BTD: variants seen among roughly 807,000 people sequenced by gnomAD.
The protein encoded by BTD is biocytinase.
A neutral mutation model predicts 17.7 loss-of-function variants in BTD; 13 were observed. The ratio of observed to expected loss-of-function variants is 0.74; its 90% CI spans 0.48 to 1.17. The LOEUF (loss-of-function observed/expected upper bound fraction) is 1.17. Ranked by LOEUF, BTD falls within the 50% of genes most tolerant of loss-of-function variation. The probability of loss-of-function intolerance (pLI) is 0.00; values close to 1 mark genes in which losing one functional copy is unlikely to be tolerated. For synonymous variants in BTD, 240 were observed against 245.2 expected (o/e 0.98, Z 0.20); for missense variants, 674 against 650.4 (o/e 1.04, Z -0.39).
rs397514391 is a variant in BTD, at chr3:15,644,743, T to G, written c.827T>G (p.Val276Gly). The change falls in exon 4 of 4, where the codon GTT (valine) becomes GGT (glycine). Residue 276 changes from valine (V) to glycine (G), a missense_variant. Coordinates refer to ENST00000643237, the MANE Select transcript of BTD (RefSeq NM_001370658.1). ...TTTGCTGTTGCCTTTGGCATCAACG[T>G]TCTGGCAGCTAATGTCCACCACCCA... ...KAFAVAFGIN[V>G]LAANVHHPVL... is the part of the protein sequence containing the mutation. 1.2e-6 allele frequency: 2 copies of G among 1,614,186 alleles called. No individual in the cohort carries two copies. Among genetic ancestry groups the G allele is most frequent in the Non-Finnish European group, 1.7e-6 (2 of 1,180,042 alleles).
intron 1 of BTD, among the ~76,000 whole-genome samples, chr3:15,618,422 A>AT (rs1178455178): frequency 1.3e-5 from 2 of 152,230 alleles, no homozygotes; most frequent in African/African-American, 4.8e-5. Flanking sequence ...TTCTTTCAAC[A>AT]GAGTTTTGTA....
rs118064253 is a variant in BTD, at chr3:15,704,927, T to C, written c.400-5133T>C. On this transcript the variant is annotated intron_variant, in intron 3 of 3. Transcript: ENST00000672141. ...AAAGATAGGAAACAGAGGCTCCCAT[T>C]AACAGTGCTAGATTATGCACAGTCT... 4.4e-4 allele frequency among the ~76,000 whole-genome samples: 67 copies of C among 152,274 alleles called. No homozygotes were observed. In the East Asian group the frequency reaches 0.013, roughly 29 times the overall value.
In BTD at chr3:15,702,165, CT is replaced by C. The variant is rs1193930100; in HGVS notation, c.400-7891del. On this transcript the variant is annotated intron_variant, in intron 3 of 3. Transcript: ENST00000672141. ...TAAGTTAAATGACTTTTCCCAAATC[CT>C]TTTGGCTAGAATATGGCAAACCAAG... Among the ~76,000 whole-genome samples, 8 of 152,166 alleles carry C rather than the reference CT, an allele frequency of 5.3e-5. No homozygotes were observed. The East Asian group carries it at 1.5e-3, about 29-fold the overall frequency.
chr3:15,675,874 G>C lies in BTD; in HGVS notation c.399+33817G>C, dbSNP rs758946575. 7.0e-6 allele frequency: 11 copies of C among 1,562,850 alleles called. No homozygotes were observed. In the African/African-American group the frequency reaches 1.2e-4, roughly 17 times the overall value. On this transcript the variant is annotated intron_variant, in intron 3 of 3. Transcript: ENST00000672141. ...AAAAGATAAAAGCTCTAGGTTAAGGGAAGAGAATATAGAACCAACTTACCA... is the reference window on the plus strand; with the variant it reads ...AAAAGATAAAAGCTCTAGGTTAAGGCAAGAGAATATAGAACCAACTTACCA...
intron 3 of BTD, among the ~76,000 whole-genome samples, chr3:15,674,012 C>CA (rs2066647651): frequency 6.6e-6 from 1 of 150,658 alleles, no homozygotes; most frequent in Admixed American, 6.6e-5. Context: ...TCTGTCAGCA[C>CA]AAAAAATAAA....
chr3:15,696,266 AT>A (rs1289984673), intron 3 of BTD: 2 of 1,432,492 alleles, frequency 1.4e-6, no homozygotes, highest in Non-Finnish European at 1.9e-6. Context: ...CAACAACAAC[AT>A]ACTGAAAATC....
At position 15,671,706 on chromosome 3, in the gene BTD, C is replaced by A. The variant is rs140432582; in HGVS notation, c.399+29649C>A. Among the ~76,000 whole-genome samples, 1,207 of 151,764 alleles carry A rather than the reference C, an allele frequency of 8.0e-3. 10 individuals are homozygous for A. Among genetic ancestry groups the A allele is most frequent in the Non-Finnish European group, 0.013 (864 of 67,968 alleles). On this transcript the variant is annotated intron_variant, in intron 3 of 3. Transcript: ENST00000672141. ...TCAAGTGATTCACCTGCCTCAGCCT[C>A]CTGAGTAGCTGGGATTACACGTGTG... is the stretch of plus-strand genomic sequence containing the variant.
Position 15,644,318 on chromosome 3 carries a change from G to A in BTD, c.402G>A (p.Val134=), listed in dbSNP as rs1003151133. 3.1e-6 allele frequency: 5 copies of A among 1,613,526 alleles called. No individual in the cohort carries two copies. Among genetic ancestry groups the A allele is most frequent in the Admixed American group, 1.7e-5 (1 of 59,910 alleles). ...LEPHRFNDTE[V]LQRLSCMAIR... ...ATTTACACCTTTTTTTCCTCTAGGTGCTCCAGCGCCTGAGTTGTATGGCCA... is the reference window on the plus strand; with the variant it reads ...ATTTACACCTTTTTTTCCTCTAGGTACTCCAGCGCCTGAGTTGTATGGCCA... The change falls in exon 4 of 4, where the codon GTG becomes GTA. Residue 134 remains valine (V), a splice_region_variant and synonymous_variant. Transcript: ENST00000643237.
exon 4 of BTD, among the ~76,000 whole-genome samples, chr3:15,712,405 C>T (rs980356707): frequency 6.6e-6 from 1 of 152,102 alleles, no homozygotes; most frequent in Non-Finnish European, 1.5e-5. Context: ...TATTTTTCTC[C>T]AAAAGTCAGG....
At position 15,636,337 on chromosome 3, in the gene BTD, C is replaced by T. The variant is rs182506400; in HGVS notation, c.249+649C>T. 5.3e-3 allele frequency among the ~76,000 whole-genome samples: 801 copies of T among 152,310 alleles called. 3 individuals are homozygous for T. The highest frequency in any genetic ancestry group is 6.9e-3 in the Non-Finnish European group (471 of 68,034). ...GACCTTCGCCCAGATAGAACTGACC[C>T]CAAACTGACAAAGGGAAGGTCAGTG... On this transcript the variant is annotated intron_variant, in intron 2 of 3. Coordinates refer to ENST00000643237, the MANE Select transcript of BTD (RefSeq NM_001370658.1).
chr3:15,611,217 C>T (rs2064616302), intron 1 of BTD, among the ~76,000 whole-genome samples: 1 of 152,104 alleles, frequency 6.6e-6, no homozygotes, highest in African/African-American at 2.4e-5. Context: ...AGTCACTGGG[C>T]AGGGCTTTTA....
At chr3:15,623,971 G>C (rs1559585729) in intron 1 of BTD, among the ~76,000 whole-genome samples, 1 of 152,124 alleles carries the variant, frequency 6.6e-6, no homozygotes, top group Non-Finnish European at 1.5e-5. Flanking sequence ...TGTGAGAATG[G>C]ACTAATACAG....
chr3:15,620,925 C>T (rs1472322573), intron 1 of BTD, among the ~76,000 whole-genome samples: 1 of 152,168 alleles, frequency 6.6e-6, no homozygotes, highest in African/African-American at 2.4e-5. Context: ...AGCTGGAGAC[C>T]CTGGAATGTC....
At position 15,652,266 on chromosome 3, in the gene BTD, C is replaced by A. The variant is rs2065815887; in HGVS notation, c.*6778C>A. On this transcript the variant is annotated 3_prime_UTR_variant, in exon 4 of 4. Transcript: ENST00000643237. ...GCTTGAACCCGGGAGGCGGAGGTTA[C>A]AATGAGCTGAGATAGCACCACTGCA... Among the ~76,000 whole-genome samples the A allele has an allele frequency of 6.6e-6, 1 of 152,132 alleles. No individual in the cohort carries two copies. The highest frequency in any genetic ancestry group is 1.5e-5 in the Non-Finnish European group (1 of 68,034).
chr3:15,707,106 G>T (rs1364226134), intron 3 of BTD, among the ~76,000 whole-genome samples: 1 of 152,082 alleles, frequency 6.6e-6, no homozygotes, highest in Non-Finnish European at 1.5e-5. Context: ...AAATAATTCT[G>T]TTATATGAAG....
In BTD at chr3:15,711,278, C is replaced by A. The variant is rs751565279; in HGVS notation, c.*1204C>A. On this transcript the variant is annotated 3_prime_UTR_variant, in exon 4 of 4. Transcript: ENST00000672141. ...TCTGGGGTATCTATATCAAATCCTACAAGAATGAATACATCTTATTTATAA... is the reference window on the plus strand; with the variant it reads ...TCTGGGGTATCTATATCAAATCCTAAAAGAATGAATACATCTTATTTATAA... 2.3e-4 allele frequency: 363 copies of A among 1,605,990 alleles called. 1 individual carries two copies. The highest frequency in any genetic ancestry group is 1.6e-4 in the Non-Finnish European group (184 of 1,173,960).
chr3:15,601,373 T>C, upstream of BTD: 26 of 1,613,938 alleles, frequency 1.6e-5, no homozygotes, highest in Non-Finnish European at 2.2e-5. Flanking sequence ...TCCAGGAAGG[T>C]CCATCGTACT....
chr3:15,677,326 T>C (rs1359942856), intron 3 of BTD, among the ~76,000 whole-genome samples: 2 of 152,240 alleles, frequency 1.3e-5, no homozygotes, highest in Non-Finnish European at 2.9e-5. Flanking sequence ...TGATACGCCA[T>C]GGTGCCTTAT....
intron 1 of BTD, among the ~76,000 whole-genome samples, chr3:15,622,630 C>A (rs969704697): frequency 6.6e-6 from 1 of 152,174 alleles, no homozygotes; most frequent in East Asian, 1.9e-4. Flanking sequence ...TGGATTTTAT[C>A]CATTACTGAT....
Sources: allele counts gnomAD v4.1 joint callset (sites outside exome capture counted in the v4.1 genomes callset), GRCh38; gene constraint gnomAD v4.1.1; transcripts MANE v1.5; gene names NCBI Gene and HGNC (gene_info 2026-07-23, HGNC 2026-07-21).